The following ADORA2B variants were observed in gnomAD, a reference collection of about 807,000 sequenced individuals.
ADORA2B encodes the protein adenosine A2b receptor, also known as adenosine receptor A2b.
ADORA2B carries 18 observed loss-of-function variants against 20.8 expected under a neutral mutation model. The observed-to-expected ratio is 0.87, with a 90% CI of 0.60 to 1.29. ADORA2B has a LOEUF of 1.29. ADORA2B is among the 50% of genes most tolerant of loss of function. The probability of loss-of-function intolerance (pLI) is 0.00; values close to 1 mark genes in which losing one functional copy is unlikely to be tolerated. For missense variants in ADORA2B, 441 were observed against 422.7 expected, an observed-to-expected ratio of 1.04 and a Z score of -0.38; for synonymous variants, 179 against 178.3, an observed-to-expected ratio of 1.00 and a Z score of -0.03.
the ADORA2B span, among the ~76,000 whole-genome samples, chr17:15,860,394 T>C: frequency 6.6e-6 from 1 of 152,124 alleles, no homozygotes. Flanking sequence ...AAGTTCTTCT[T>C]GGTTCCCAGT....
the ADORA2B span, among the ~76,000 whole-genome samples, chr17:15,866,718 T>TCTGCCG: frequency 8.5e-4 from 108 of 127,534 alleles, no homozygotes; most frequent in Middle Eastern, 4.5e-3. Flanking sequence ...TGCCGCTGCC[T>TCTGCCG]CTGCCGCTGC....
chr17:15,954,104 G>A (rs1260918984), intron 1 of ADORA2B, among the ~76,000 whole-genome samples: 1 of 151,728 alleles, frequency 6.6e-6, no homozygotes, highest in East Asian at 1.9e-4. Flanking sequence ...TCAGCCTCCC[G>A]AGTAGCTGGG....
chr17:15,910,737 C>T, the ADORA2B span, among the ~76,000 whole-genome samples: 2 of 152,176 alleles, frequency 1.3e-5, no homozygotes, highest in African/African-American at 2.4e-5. Context: ...ATTGGACACC[C>T]CAGGGGCTGC....
chr17:15,875,443 G>T, the ADORA2B span, among the ~76,000 whole-genome samples: 1 of 152,200 alleles, frequency 6.6e-6, no homozygotes, highest in Admixed American at 6.5e-5. Flanking sequence ...TTGTGGTTTT[G>T]TGTACCTGGA....
At chr17:15,971,392 C>T (rs1293793266) in intron 1 of ADORA2B, among the ~76,000 whole-genome samples, 2 of 152,158 alleles carry the variant, frequency 1.3e-5, no homozygotes, top group African/African-American at 4.8e-5. Flanking sequence ...AAACTGAGCC[C>T]AGCAGGTCTT....
At chr17:15,856,382 T>C in the ADORA2B span, among the ~76,000 whole-genome samples, 1 of 152,184 alleles carries the variant, frequency 6.6e-6, no homozygotes, top group African/African-American at 2.4e-5. Context: ...TAAACCTCTT[T>C]ATAAATTCCC....
At chr17:15,955,701 C>T (rs1026814053) in intron 1 of ADORA2B, among the ~76,000 whole-genome samples, 1 of 150,654 alleles carries the variant, frequency 6.6e-6, no homozygotes, top group African/African-American at 2.4e-5. Context: ...AGCCACCACA[C>T]CTGGCCGCCT....
intron 1 of ADORA2B, among the ~76,000 whole-genome samples, chr17:15,956,906 T>A (rs1969973376): frequency 6.6e-6 from 1 of 152,156 alleles, no homozygotes; most frequent in Non-Finnish European, 1.5e-5. Context: ...GGCCTGTGTG[T>A]CTTTACTGTC....
the ADORA2B span, among the ~76,000 whole-genome samples, chr17:15,885,714 A>AG: frequency 1.7e-5 from 1 of 59,904 alleles, no homozygotes; most frequent in African/African-American, 6.4e-5. Context: ...ACTCCGTATC[A>AG]AAAAAAAAAA....
At chr17:15,859,340 G>T in the ADORA2B span, among the ~76,000 whole-genome samples, 2 of 151,792 alleles carry the variant, frequency 1.3e-5, no homozygotes, top group East Asian at 3.9e-4. Flanking sequence ...ATCAGAAGCT[G>T]CAGAAACAGG....
intron 1 of ADORA2B, among the ~76,000 whole-genome samples, chr17:15,967,763 C>G (rs1206366290): frequency 6.6e-6 from 1 of 152,170 alleles, no homozygotes; most frequent in Non-Finnish European, 1.5e-5. Flanking sequence ...TTGGGTGCAC[C>G]ATCCTTCAGG....
chr17:15,897,069 C>T, the ADORA2B span, among the ~76,000 whole-genome samples: 1 of 152,082 alleles, frequency 6.6e-6, no homozygotes, highest in African/African-American at 2.4e-5. Context: ...GCCCCATGCC[C>T]AGAGGGAATT....
At chr17:15,952,376 A>G (rs961903135) in intron 1 of ADORA2B, among the ~76,000 whole-genome samples, 2 of 152,106 alleles carry the variant, frequency 1.3e-5, no homozygotes, top group Non-Finnish European at 2.9e-5. Flanking sequence ...CGACCGCCCT[A>G]TGGGAGCAGA....
At chr17:15,892,433 T>A in the ADORA2B span, among the ~76,000 whole-genome samples, 1 of 151,764 alleles carries the variant, frequency 6.6e-6, no homozygotes, top group East Asian at 1.9e-4. Flanking sequence ...CCTTCCAAAG[T>A]GCTGGGATTA....
In ADORA2B at chr17:15,975,383, A is replaced by G. The variant is rs1970244273; in HGVS notation, c.*41A>G. 6.4e-7 allele frequency: 1 copy of G among 1,571,792 alleles called. No homozygotes were observed. Among genetic ancestry groups the G allele is most frequent in the Non-Finnish European group, 8.6e-7 (1 of 1,159,758 alleles). On this transcript the variant is annotated 3_prime_UTR_variant, in exon 2 of 2. Coordinates refer to ENST00000304222, the MANE Select transcript of ADORA2B (RefSeq NM_000676.4). ...CTTCCAGGAGAAGATACAAATCCAC[A>G]AGAAACAAAGAGGACACGGCTGGTT... is the stretch of plus-strand genomic sequence containing the variant.
At chr17:15,968,134 A>T (rs1273385306) in intron 1 of ADORA2B, among the ~76,000 whole-genome samples, 2 of 152,166 alleles carry the variant, frequency 1.3e-5, no homozygotes, top group East Asian at 3.8e-4. Flanking sequence ...TCTTGGGGAG[A>T]AGTAACAAGG....
At chr17:15,966,531 G>A (rs560291176) in intron 1 of ADORA2B, among the ~76,000 whole-genome samples, 1 of 152,374 alleles carries the variant, frequency 6.6e-6, no homozygotes, top group South Asian at 2.1e-4. Flanking sequence ...CCAGAAATAG[G>A]CCAGTGCTTG....
the ADORA2B span, among the ~76,000 whole-genome samples, chr17:15,907,695 G>T: frequency 6.6e-6 from 1 of 152,020 alleles, no homozygotes; most frequent in Non-Finnish European, 1.5e-5. Context: ...CACATTAAAT[G>T]GTAACACTTA....
chr17:15,876,290 C>A, the ADORA2B span, among the ~76,000 whole-genome samples: 4 of 152,124 alleles, frequency 2.6e-5, no homozygotes, highest in African/African-American at 9.6e-5. Context: ...GCCAGTGTTG[C>A]AGCAAGAAGA....
Sources: gnomAD v4.1 joint callset for allele counts (sites outside exome capture counted in the v4.1 genomes callset) on GRCh38, gnomAD v4.1.1 for gene constraint, MANE v1.5 for transcripts, NCBI Gene and HGNC (gene_info 2026-07-23, HGNC 2026-07-21) for gene names.